Variants in LDLRAP1 observed in about 807,000 individuals in gnomAD.
The protein encoded by LDLRAP1 is low density lipoprotein receptor adaptor protein 1, also known as low density lipoprotein receptor adapter protein 1.
A neutral mutation model predicts 37.8 loss-of-function variants in LDLRAP1; 30 were observed. That is an observed-to-expected ratio of 0.79 (90% CI 0.59 to 1.08). The LOEUF (loss-of-function observed/expected upper bound fraction) is 1.08. LDLRAP1 is among the 50% of genes least tolerant of loss of function. LDLRAP1 has a pLI of 0.00. For synonymous variants in LDLRAP1, 156 were observed against 169.8 expected (o/e 0.92, Z 0.63); for missense variants, 375 against 401.6 (o/e 0.93, Z 0.57).
intron 7 of LDLRAP1, chr1:25,564,640 C>G (rs1444121023): frequency 6.3e-6 from 1 of 158,456 alleles, no homozygotes; most frequent in Non-Finnish European, 1.4e-5. Flanking sequence ...ACTTGCCCAT[C>G]CTCACCAGAA....
chr1:25,566,953 C>T lies in LDLRAP1; in HGVS notation c.888C>T (p.Asp296=), dbSNP rs1420090356. The T allele has an allele frequency of 1.2e-6, 2 of 1,613,568 alleles. No individual in the cohort carries two copies. Among genetic ancestry groups the T allele is most frequent in the South Asian group, 1.1e-5 (1 of 91,080 alleles). The part of the protein sequence containing the change: ...CLSPVDWDKP[D]SSGTEQDDLF... ...CGCCTGTCGACTGGGACAAGCCTGA[C>T]AGCAGCGGCACAGAGCAGGATGACC... The change falls in exon 9 of 9, where the codon GAC becomes GAT. Residue 296 remains aspartate (D), a synonymous_variant. Coordinates refer to ENST00000374338, the MANE Select transcript of LDLRAP1 (RefSeq NM_015627.3).
the LDLRAP1 span, among the ~76,000 whole-genome samples, chr1:25,588,173 A>T: frequency 6.6e-6 from 1 of 152,348 alleles, no homozygotes; most frequent in South Asian, 2.1e-4. Flanking sequence ...TGCCTAGGAA[A>T]GCCAGGTATT....
chr1:25,567,064 A>G lies in LDLRAP1; in HGVS notation c.*72A>G, dbSNP rs2044504443. The G allele has an allele frequency of 6.3e-7, 1 of 1,589,290 alleles. No homozygotes were observed. The highest frequency in any genetic ancestry group is 1.7e-5 in the Admixed American group (1 of 59,312). The stretch of plus-strand genomic sequence containing the variant: ...CAAAGCCACCTGCTGCGGGGGAGCC[A>G]GTTCTGGGGCCCGCCTGCCACCTCT... On this transcript the variant is annotated 3_prime_UTR_variant, in exon 9 of 9. Coordinates refer to ENST00000374338, the MANE Select transcript of LDLRAP1 (RefSeq NM_015627.3).
intron 5 of LDLRAP1, 115 bp downstream of exon 5, chr1:25,562,831 G>A (rs2044375694): frequency 1.0e-6 from 1 of 968,394 alleles, no homozygotes; most frequent in East Asian, 2.5e-5. Context: ...TTGTGACTGT[G>A]AGCAGGTCCC....
Position 25,554,153 on chromosome 1 carries a change from G to T in LDLRAP1, c.231+89G>T. ...GCCCTCGTCCCAGCTTGTTACTCCA[G>T]TTGGGTGTGTCTGAGCCTGGCCCTG... On this transcript the variant is annotated intron_variant, in intron 2 of 8. Coordinates refer to ENST00000374338, the MANE Select transcript of LDLRAP1 (RefSeq NM_015627.3). The surrounding 1 kb of genome is among the most constrained non-coding windows in gnomAD (Gnocchi z 5.4). The T allele has an allele frequency of 6.6e-7, 1 of 1,524,788 alleles. No individual in the cohort carries two copies. The highest frequency in any genetic ancestry group is 9.0e-7 in the Non-Finnish European group (1 of 1,115,238). 94.5% of individuals were successfully genotyped at this position (1,524,788 alleles called of 1,614,324 possible).
the LDLRAP1 span, among the ~76,000 whole-genome samples, chr1:25,586,157 GT>G: frequency 2.6e-5 from 4 of 152,208 alleles, no homozygotes; most frequent in Non-Finnish European, 5.9e-5. The surrounding 1 kb of genome is among the most constrained non-coding windows in gnomAD (Gnocchi z 4.3). Context: ...AATGTGGATG[GT>G]TTTTGTAGAG....
At chr1:25,559,787 A>C (rs1264750151) in intron 4 of LDLRAP1, among the ~76,000 whole-genome samples, 1 of 152,088 alleles carries the variant, frequency 6.6e-6, no homozygotes, top group Non-Finnish European at 1.5e-5. Flanking sequence ...TTCTTGGGGG[A>C]GGCAGGAGAT....
intron 1 of LDLRAP1, among the ~76,000 whole-genome samples, chr1:25,547,932 C>G (rs2043976369): frequency 6.6e-6 from 1 of 152,284 alleles, no homozygotes; most frequent in African/African-American, 2.4e-5. Context: ...TCTCCCGGGT[C>G]TGGGGGCTGT....
At chr1:25,582,446 A>G in the LDLRAP1 span, among the ~76,000 whole-genome samples, 816 of 151,922 alleles carry the variant, frequency 5.4e-3, 8 homozygotes, top group South Asian at 0.013. Context: ...TTAGCTGGGC[A>G]TGGTGGCATG....
intron 5 of LDLRAP1, 64 bp from the exon 6 acceptor site, chr1:25,563,006 G>A (rs771051780): frequency 4.0e-5 from 60 of 1,491,254 alleles, no homozygotes; most frequent in African/African-American, 6.9e-5. Context: ...ACCCCTGCCC[G>A]GTGATTGCTG....
At chr1:25,575,776 C>T in the LDLRAP1 span, among the ~76,000 whole-genome samples, 15 of 152,246 alleles carry the variant, frequency 9.9e-5, no homozygotes, top group South Asian at 1.0e-3. Context: ...TTTACACAAA[C>T]GACCCCATGG....
At chr1:25,545,333 G>T (rs539801235) in intron 1 of LDLRAP1, among the ~76,000 whole-genome samples, 1 of 152,314 alleles carries the variant, frequency 6.6e-6, no homozygotes, top group East Asian at 1.9e-4. Flanking sequence ...CGTGGAAGAG[G>T]TAGCCGCTTT....
chr1:25,563,902 A>C, intron 7 of LDLRAP1, 111 bp downstream of exon 7: 1 of 1,446,928 alleles, frequency 6.9e-7, no homozygotes, highest in Non-Finnish European at 9.6e-7. Flanking sequence ...GGCCTCTGGG[A>C]GGACCAGACC....
In LDLRAP1 at chr1:25,567,077, G is replaced by A. The variant is rs768699402; in HGVS notation, c.*85G>A. On this transcript the variant is annotated 3_prime_UTR_variant, in exon 9 of 9. Coordinates refer to ENST00000374338, the MANE Select transcript of LDLRAP1 (RefSeq NM_015627.3). ...TGCGGGGGAGCCAGTTCTGGGGCCC[G>A]CCTGCCACCTCTCCCAGCCCTCAGC... 19 of 1,503,478 alleles carry A rather than the reference G, an allele frequency of 1.3e-5. No individual in the cohort carries two copies. The highest frequency in any genetic ancestry group is 4.6e-5 in the East Asian group (2 of 43,722). The allele number at this position is 1,503,478 out of a possible 1,614,324, so 93.1% of individuals were successfully genotyped here. A position where few individuals can be genotyped will look rare whatever the true frequency, so the allele number is the denominator to read the frequency against.
chr1:25,561,126 T>C (rs1376550855), intron 4 of LDLRAP1, among the ~76,000 whole-genome samples: 2 of 152,248 alleles, frequency 1.3e-5, no homozygotes, highest in African/African-American at 4.8e-5. Flanking sequence ...CCCTGCCACA[T>C]TGGGTGTCCA....
downstream of LDLRAP1, among the ~76,000 whole-genome samples, chr1:25,572,832 C>T (rs544299433): frequency 8.2e-4 from 125 of 152,266 alleles, no homozygotes; most frequent in Non-Finnish European, 1.5e-3. Flanking sequence ...TAATGAGCAC[C>T]AGCTCATCAT....
intron 1 of LDLRAP1, among the ~76,000 whole-genome samples, chr1:25,553,149 T>C (rs2044115132): frequency 6.6e-6 from 1 of 152,076 alleles, no homozygotes; most frequent in African/African-American, 2.4e-5. Context: ...CAGTGCAGGC[T>C]GGGGCCATGG....
the LDLRAP1 span, among the ~76,000 whole-genome samples, chr1:25,579,443 C>T: frequency 6.6e-6 from 1 of 152,200 alleles, no homozygotes; most frequent in African/African-American, 2.4e-5. Flanking sequence ...GAGGAGGCGG[C>T]GAGCTCAGCT....
intron 8 of LDLRAP1, among the ~76,000 whole-genome samples, chr1:25,566,143 G>A (rs2044472529): frequency 2.0e-5 from 3 of 152,130 alleles, no homozygotes; most frequent in Admixed American, 2.0e-4. Flanking sequence ...TAACAATTTT[G>A]AAAATCAGCA....
Sources: allele counts gnomAD v4.1 joint callset (sites outside exome capture counted in the v4.1 genomes callset), GRCh38; gene constraint gnomAD v4.1.1; non-coding constraint Gnocchi (gnomAD v3.1); transcripts MANE v1.5; gene names NCBI Gene and HGNC (gene_info 2026-07-23, HGNC 2026-07-21).